TTC9: variants seen among roughly 807,000 people sequenced by gnomAD.
TTC9 encodes the protein tetratricopeptide repeat domain 9.
Under a neutral mutation model 22.9 loss-of-function variants are expected in TTC9, and 13 were observed. That is an observed-to-expected ratio of 0.57 (90% CI 0.37 to 0.90). The LOEUF is 0.90. TTC9 is among the 40% of genes least tolerant of loss of function. The pLI is 0.01. For missense variants in TTC9, 280 were observed against 291.8 expected (o/e 0.96, Z 0.29); for synonymous variants, 148 against 133.2 (o/e 1.11, Z -0.77).
In TTC9 at chr14:70,642,432, G is replaced by C; in HGVS notation, c.303G>C (p.Ser101=). ...CCCCCGGGGAACGGGAGCGGGACTC[G>C]CGCCCGGCCTCCCCGGCTGGGGCCC... The part of the protein sequence containing the change: ...LPPPGERERD[S]RPASPAGALK... The change falls in exon 1 of 3, where the codon TCG becomes TCC. Residue 101 remains serine, a synonymous_variant. Coordinates refer to ENST00000256367, the MANE Select transcript of TTC9 (RefSeq NM_015351.2). 1 of 1,577,000 alleles carries C rather than the reference G, an allele frequency of 6.3e-7. No homozygotes were observed. The highest frequency in any genetic ancestry group is 1.2e-5 in the South Asian group (1 of 86,254).
Position 70,642,557 on chromosome 14 carries a change from G to GCTC in TTC9, c.406+23_406+24insTCC, listed in dbSNP as rs755875344. The GCTC allele has an allele frequency of 7.9e-6, 12 of 1,525,232 alleles. No homozygotes were observed. The Middle Eastern group carries it at 8.5e-4, about 108-fold the overall frequency. 94.5% of individuals were successfully genotyped at this position (1,525,232 alleles called of 1,614,324 possible). On this transcript the variant is annotated intron_variant, in intron 1 of 2. Transcript: ENST00000256367. ...GCAGGTGAGCCGCGCCGCGCCCCCCGCGCCGCGGTCCCCGTTCTTCGGCCC... is the reference window on the plus strand; with the variant it reads ...GCAGGTGAGCCGCGCCGCGCCCCCCGCTCCGCCGCGGTCCCCGTTCTTCGGCCC...
intron 1 of TTC9, among the ~76,000 whole-genome samples, chr14:70,647,067 A>G (rs993203506): frequency 1.3e-5 from 2 of 152,212 alleles, no homozygotes; most frequent in African/African-American, 4.8e-5. Context: ...ATTTGATGTC[A>G]TTGCAAATAA....
At chr14:70,646,830 T>C (rs906434170) in intron 1 of TTC9, among the ~76,000 whole-genome samples, 1 of 152,182 alleles carries the variant, frequency 6.6e-6, no homozygotes, top group Non-Finnish European at 1.5e-5. Flanking sequence ...ATGCCTGGGA[T>C]GGTGCTGGTT....
intron 1 of TTC9, among the ~76,000 whole-genome samples, chr14:70,657,232 T>G (rs1886079418): frequency 6.6e-6 from 1 of 152,260 alleles, no homozygotes; most frequent in African/African-American, 2.4e-5. Context: ...TCCATATTCC[T>G]TATGAAGCCC....
In TTC9 at chr14:70,673,177, C is replaced by A. The variant is rs566869088; in HGVS notation, c.*2022C>A. ...TCAACAACTCACCTAGCATTCATCA[C>A]CCATCCCCAGCATTGGGAAAGGGTC... On this transcript the variant is annotated 3_prime_UTR_variant, in exon 3 of 3. Transcript: ENST00000256367. 1 of 152,312 alleles carries A rather than the reference C, an allele frequency of 6.6e-6. No individual in the cohort carries two copies. The highest frequency in any genetic ancestry group is 2.1e-4 in the South Asian group (1 of 4,816). 9.4% of individuals were successfully genotyped at this position (152,312 alleles called of 1,614,324 possible).
chr14:70,642,218 G>A lies in TTC9; in HGVS notation c.89G>A (p.Cys30Tyr). The change falls in exon 1 of 3, where the codon TGC (cysteine) becomes TAC (tyrosine). Residue 30 changes from cysteine to tyrosine, a missense_variant. Cys to Tyr is a radical substitution (Grantham distance 194, BLOSUM62 -2). Coordinates refer to ENST00000256367, the MANE Select transcript of TTC9 (RefSeq NM_015351.2). ...GGGCAGCGGCCACCGCCGCCGCTGTGCGTCCCGGGCGGCGGCGGAGGAGCC... is the reference window on the plus strand; with the variant it reads ...GGGCAGCGGCCACCGCCGCCGCTGTACGTCCCGGGCGGCGGCGGAGGAGCC... The part of the protein sequence containing the change: ...GEGQRPPPPL[C>Y]VPGGGGGAPA... 2.3e-6 allele frequency: 3 copies of A among 1,288,450 alleles called. No individual in the cohort carries two copies. The highest frequency in any genetic ancestry group is 2.9e-6 in the Non-Finnish European group (3 of 1,017,012). The allele number at this position is 1,288,450 out of a possible 1,614,324, so 79.8% of individuals were successfully genotyped here.
chr14:70,652,985 A>C (rs1043218638), intron 1 of TTC9, among the ~76,000 whole-genome samples: 1 of 152,222 alleles, frequency 6.6e-6, no homozygotes, highest in African/African-American at 2.4e-5. Flanking sequence ...ACAGGTCTTT[A>C]CATAGTGAAA....
chr14:70,645,514 T>A (rs1476681277), intron 1 of TTC9, among the ~76,000 whole-genome samples: 1 of 152,220 alleles, frequency 6.6e-6, no homozygotes, highest in East Asian at 1.9e-4. Flanking sequence ...TTCATGAAGA[T>A]TATTTTAAAT....
chr14:70,666,327 C>A (rs1489887108), intron 1 of TTC9, among the ~76,000 whole-genome samples: 3 of 152,144 alleles, frequency 2.0e-5, no homozygotes, highest in African/African-American at 7.2e-5. Flanking sequence ...TGAGACCTGC[C>A]TGCCATAGCT....
intron 1 of TTC9, among the ~76,000 whole-genome samples, chr14:70,658,168 G>A (rs1886092927): frequency 2.0e-5 from 3 of 152,214 alleles, no homozygotes; most frequent in Non-Finnish European, 4.4e-5. Flanking sequence ...TAAGAGCTAA[G>A]TGGGCTCAGC....
chr14:70,649,448 T>C (rs1594735572), intron 1 of TTC9, among the ~76,000 whole-genome samples: 1 of 152,122 alleles, frequency 6.6e-6, no homozygotes, highest in South Asian at 2.1e-4. Context: ...CTTATGTATA[T>C]ATAATTTCAT....
chr14:70,674,696 T>G lies in TTC9; in HGVS notation c.*3541T>G, dbSNP rs1886344065. ...TTTATCACACACAAATGGCAGCATA[T>G]TGGACACTTTTTGTTTTTTGCTCCT... On this transcript the variant is annotated 3_prime_UTR_variant, in exon 3 of 3. Transcript: ENST00000256367. The G allele has an allele frequency of 6.6e-6, 1 of 152,226 alleles. No homozygotes were observed. The highest frequency in any genetic ancestry group is 2.1e-4 in the South Asian group (1 of 4,832). The allele number at this position is 152,226 out of a possible 1,614,324, so 9.4% of individuals were successfully genotyped here.
intron 1 of TTC9, among the ~76,000 whole-genome samples, chr14:70,645,452 T>C (rs901721188): frequency 6.6e-6 from 1 of 152,228 alleles, no homozygotes; most frequent in Non-Finnish European, 1.5e-5. Context: ...GTATCCTGCT[T>C]TTAATCCCAG....
chr14:70,674,617 A>G lies in TTC9; in HGVS notation c.*3462A>G, dbSNP rs1223853225. 1 of 152,130 alleles carries G rather than the reference A, an allele frequency of 6.6e-6. No individual in the cohort carries two copies. Among genetic ancestry groups the G allele is most frequent in the Non-Finnish European group, 1.5e-5 (1 of 68,026 alleles). 9.4% of individuals were successfully genotyped at this position (152,130 alleles called of 1,614,324 possible). ...CCAGCATCTAGTTTCCCTCTAATTTATTTTGCATCCTAGTGGAGATGCTTA... is the reference window on the plus strand; with the variant it reads ...CCAGCATCTAGTTTCCCTCTAATTTGTTTTGCATCCTAGTGGAGATGCTTA... On this transcript the variant is annotated 3_prime_UTR_variant, in exon 3 of 3. Coordinates refer to ENST00000256367, the MANE Select transcript of TTC9 (RefSeq NM_015351.2).
chr14:70,671,131 C>T lies in TTC9; in HGVS notation c.645C>T (p.Ser215=). The T allele has an allele frequency of 6.2e-7, 1 of 1,613,702 alleles. No homozygotes were observed. Among genetic ancestry groups the T allele is most frequent in the Non-Finnish European group, 8.5e-7 (1 of 1,179,746 alleles). The change falls in exon 3 of 3, where the codon TCC becomes TCT. Residue 215 remains serine, a synonymous_variant. Coordinates refer to ENST00000256367, the MANE Select transcript of TTC9 (RefSeq NM_015351.2). ...CGGAGATGAAACTCAGCCGATGCTC[C>T]CAGAGAGAAAAAGAAGCCATGTAAC... ...QLTEMKLSRC[S]QREKEAM
At position 70,642,634 on chromosome 14, in the gene TTC9, T is replaced by G. The variant is rs1343612887; in HGVS notation, c.406+99T>G. 83 of 1,199,948 alleles carry G rather than the reference T, an allele frequency of 6.9e-5. No individual in the cohort carries two copies. In the East Asian group the frequency reaches 2.2e-3, roughly 32 times the overall value. 74.3% of individuals were successfully genotyped at this position (1,199,948 alleles called of 1,614,324 possible). A position where few individuals can be genotyped will look rare whatever the true frequency, so the allele number is the denominator to read the frequency against. ...TCCCGCGGTGCAGATTCTCCTGCTG[T>G]GACTGTGTTGCTCTGGGGAGAACCC... On this transcript the variant is annotated intron_variant, in intron 1 of 2. Coordinates refer to ENST00000256367, the MANE Select transcript of TTC9 (RefSeq NM_015351.2).
At chr14:70,646,233 T>C (rs1254756451) in intron 1 of TTC9, among the ~76,000 whole-genome samples, 1 of 152,142 alleles carries the variant, frequency 6.6e-6, no homozygotes, top group African/African-American at 2.4e-5. Flanking sequence ...TAGGTAGGGA[T>C]CGTTCTGTTT....
intron 1 of TTC9, among the ~76,000 whole-genome samples, chr14:70,653,702 T>C (rs1886017479): frequency 6.9e-6 from 1 of 144,202 alleles, no homozygotes; most frequent in African/African-American, 2.6e-5. Flanking sequence ...TGCCCCAGGA[T>C]TCCCCCTGAC....
At position 70,644,267 on chromosome 14, in the gene TTC9, G is replaced by A. The variant is rs983574787; in HGVS notation, c.406+1732G>A. Among the ~76,000 whole-genome samples, 12 of 152,172 alleles carry A rather than the reference G, an allele frequency of 7.9e-5. No individual in the cohort carries two copies. In the East Asian group the frequency reaches 1.5e-3, roughly 20 times the overall value. ...TTGGTCAGGCCAGCCCAGTCAGGGC[G>A]GGACTGAAATCTGGATAGCTCCACC... On this transcript the variant is annotated intron_variant, in intron 1 of 2. Coordinates refer to ENST00000256367, the MANE Select transcript of TTC9 (RefSeq NM_015351.2).
Sources: allele counts gnomAD v4.1 joint callset (sites outside exome capture counted in the v4.1 genomes callset), GRCh38; gene constraint gnomAD v4.1.1; transcripts MANE v1.5; gene names NCBI Gene and HGNC (gene_info 2026-07-23, HGNC 2026-07-21).